Variants in CALD1 observed in about 807,000 individuals in gnomAD.
CALD1 encodes the protein caldesmon.
Under a neutral mutation model 99.9 loss-of-function variants are expected in CALD1, and 33 were observed. The observed-to-expected ratio is 0.33, with a 90% confidence interval of 0.25 to 0.44. The LOEUF is 0.44. Ranked by LOEUF, CALD1 falls within the 20% of genes least tolerant of loss-of-function variation. The probability of loss-of-function intolerance (pLI) is 1.00; values close to 1 mark genes in which losing one functional copy is unlikely to be tolerated. For synonymous variants in CALD1, 310 were observed against 325.0 expected (o/e 0.95, Z 0.50); for missense variants, 861 against 962.1 (o/e 0.89, Z 1.39).
chr7:134,763,521 C>G (rs17168025), intron 1 of CALD1, among the ~76,000 whole-genome samples: 3 of 152,116 alleles, frequency 2.0e-5, no homozygotes, highest in Non-Finnish European at 4.4e-5. Context: ...CTTGGGTTCT[C>G]GGTCAGAACT....
chr7:134,864,527 T>C (rs1800716358), intron 2 of CALD1, among the ~76,000 whole-genome samples: 1 of 151,796 alleles, frequency 6.6e-6, no homozygotes, highest in African/African-American at 2.4e-5. Flanking sequence ...GCCTCCTGAG[T>C]AGCTAGGATT....
At chr7:134,742,016 T>TACACACACACAC (rs112633191), upstream of CALD1, among the ~76,000 whole-genome samples, 1,310 of 147,984 alleles carry the variant, frequency 8.9e-3, 9 homozygotes, top group Middle Eastern at 0.014. Context: ...GAGGTATTGA[T>TACACACACACAC]ACACACACAC....
intron 1 of CALD1, among the ~76,000 whole-genome samples, chr7:134,749,577 C>A (rs1014187574): frequency 6.6e-6 from 1 of 152,176 alleles, no homozygotes; most frequent in African/African-American, 2.4e-5. Flanking sequence ...CGCGCCATTA[C>A]ACTCCAGCCT....
intron 1 of CALD1, among the ~76,000 whole-genome samples, chr7:134,759,829 A>T (rs1796761124): frequency 6.6e-6 from 1 of 152,260 alleles, no homozygotes; most frequent in Admixed American, 6.5e-5. Flanking sequence ...AAGTCAATGA[A>T]CAAGTAATCA....
At chr7:134,939,755 G>A (rs544874878) in intron 6 of CALD1, among the ~76,000 whole-genome samples, 5 of 152,214 alleles carry the variant, frequency 3.3e-5, no homozygotes, top group Admixed American at 3.3e-4. Context: ...TTGAGGTCAG[G>A]AGTTTGAGAC....
At chr7:134,896,309 G>A (rs1802572120) in intron 3 of CALD1, among the ~76,000 whole-genome samples, 1 of 151,232 alleles carries the variant, frequency 6.6e-6, no homozygotes, top group Non-Finnish European at 1.5e-5. Context: ...ATTTCTTTGT[G>A]GCACTGGGAA....
the CALD1 span, among the ~76,000 whole-genome samples, chr7:134,719,882 C>T: frequency 5.3e-5 from 8 of 152,254 alleles, no homozygotes; most frequent in South Asian, 1.0e-3. Flanking sequence ...AAGATGCCCC[C>T]GAAATGTTCA....
intron 1 of CALD1, among the ~76,000 whole-genome samples, chr7:134,825,017 C>T (rs974401): frequency 0.34 from 51,383 of 151,970 alleles, 9,699 homozygotes; most frequent in East Asian, 0.68. Context: ...TATGCAGTAA[C>T]ATCTCTAAAC....
chr7:134,920,699 C>T, intron 3 of CALD1: 1 of 1,288,022 alleles, frequency 7.8e-7, no homozygotes, highest in Non-Finnish European at 1.0e-6. Flanking sequence ...ATCTTGGGGA[C>T]CGGTCAACTG....
At chr7:134,750,864 T>C (rs992880159) in intron 1 of CALD1, among the ~76,000 whole-genome samples, 7 of 152,226 alleles carry the variant, frequency 4.6e-5, no homozygotes, top group Non-Finnish European at 8.8e-5. Context: ...GACTCACTTC[T>C]CCACAGTGTT....
intron 13 of CALD1, among the ~76,000 whole-genome samples, chr7:134,963,497 T>C (rs1205072776): frequency 6.6e-6 from 1 of 152,242 alleles, no homozygotes; most frequent in Non-Finnish European, 1.5e-5. Context: ...ATGCAATTGC[T>C]GTTAGCTTTG....
chr7:134,890,985 C>T (rs1432112473), intron 3 of CALD1, among the ~76,000 whole-genome samples: 1 of 152,176 alleles, frequency 6.6e-6, no homozygotes, highest in Non-Finnish European at 1.5e-5. Context: ...TCAGTGGGAA[C>T]TGTTTGCTTT....
chr7:134,711,726 G>GTGTGTGTC, the CALD1 span, among the ~76,000 whole-genome samples: 1 of 96,684 alleles, frequency 1.0e-5, no homozygotes. Context: ...GTGTGTGTGT[G>GTGTGTGTC]TCTCTCTCTC....
At chr7:134,799,933 G>T (rs977902130) in intron 1 of CALD1, among the ~76,000 whole-genome samples, 2 of 151,900 alleles carry the variant, frequency 1.3e-5, no homozygotes, top group African/African-American at 4.8e-5. Context: ...GATAAGAAAG[G>T]GCCAAGAGGA....
chr7:134,892,766 T>C (rs1586222357), intron 3 of CALD1, among the ~76,000 whole-genome samples: 2 of 152,328 alleles, frequency 1.3e-5, no homozygotes, highest in Admixed American at 1.3e-4. Flanking sequence ...CGCTATTGTA[T>C]AAAGGAGATG....
chr7:134,940,998 T>C (rs1806381519), intron 6 of CALD1, 94 bp from the exon 7 acceptor site: 1 of 997,316 alleles, frequency 1.0e-6, no homozygotes. Context: ...GTTTTCTGCC[T>C]TCCTAACAAT....
At chr7:134,825,720 A>T (rs1041574512) in intron 1 of CALD1, among the ~76,000 whole-genome samples, 1 of 152,122 alleles carries the variant, frequency 6.6e-6, no homozygotes, top group African/African-American at 2.4e-5. Context: ...ACTTACAATA[A>T]AAAATTGTTT....
intron 3 of CALD1, among the ~76,000 whole-genome samples, chr7:134,896,936 G>A (rs749034861): frequency 6.6e-5 from 10 of 152,178 alleles, no homozygotes; most frequent in Admixed American, 2.6e-4. Context: ...CACACCTTGG[G>A]TTTAAAAAGG....
chr7:134,824,448 C>T (rs190058305), intron 1 of CALD1, among the ~76,000 whole-genome samples: 1 of 150,150 alleles, frequency 6.7e-6, no homozygotes. Context: ...TCCTCCTCCT[C>T]CTTCTTCTCC....
Sources: gnomAD v4.1 joint callset for allele counts (sites outside exome capture counted in the v4.1 genomes callset) on GRCh38, gnomAD v4.1.1 for gene constraint, MANE v1.5 for transcripts, NCBI Gene and HGNC (gene_info 2026-07-23, HGNC 2026-07-21) for gene names.